RNF144B: variants seen among roughly 807,000 people sequenced by gnomAD.
RNF144B encodes E3 ubiquitin-protein ligase RNF144B.
RNF144B carries 25 observed loss-of-function variants against 40.2 expected under a neutral mutation model. The ratio of observed to expected loss-of-function variants is 0.62; its 90% CI spans 0.45 to 0.87. RNF144B has a LOEUF of 0.87. RNF144B is among the 40% of genes least tolerant of loss of function. RNF144B has a pLI of 0.00. For synonymous variants in RNF144B, 145 were observed against 136.3 expected (o/e 1.06, Z -0.44); for missense variants, 365 against 373.7 (o/e 0.98, Z 0.19).
rs1366797823 is a variant in RNF144B, at chr6:18,443,053, G to C, written c.331+3309G>C. 6.6e-6 allele frequency among the ~76,000 whole-genome samples: 1 copy of C among 152,082 alleles called. No homozygotes were observed. The highest frequency in any genetic ancestry group is 1.5e-5 in the Non-Finnish European group (1 of 68,036). The stretch of plus-strand genomic sequence containing the variant: ...TTTTGGGTAAAGTAACTAGAATTGG[G>C]ATTACGGGATCATGTGGTAATTTTA... On this transcript the variant is annotated intron_variant, in intron 4 of 7. Transcript: ENST00000259939. This position sits in a 1 kb window ranked among gnomAD's most constrained non-coding sequence, Gnocchi z 4.7.
intron 1 of RNF144B, 26 bp downstream of exon 1, chr6:18,387,656 C>G (rs1347857490): frequency 1.5e-6 from 2 of 1,290,340 alleles, no homozygotes; most frequent in Non-Finnish European, 2.0e-6. Flanking sequence ...TTTTTAAAGG[C>G]TACAGGCGTT....
Position 18,447,558 on chromosome 6 carries a change from G to A in RNF144B, c.331+7814G>A, listed in dbSNP as rs1759111159. On this transcript the variant is annotated intron_variant, in intron 4 of 7. Transcript: ENST00000259939. The surrounding 1 kb of genome is among the most constrained non-coding windows in gnomAD (Gnocchi z 5.6). ...GAGTGGATGGTAATGGAATGACATG[G>A]CAGCAGGGAGATTTATTAGGAGGCT... is the stretch of plus-strand genomic sequence containing the variant. Among the ~76,000 whole-genome samples, 1 of 152,168 alleles carries A rather than the reference G, an allele frequency of 6.6e-6. No individual in the cohort carries two copies. Among genetic ancestry groups the A allele is most frequent in the South Asian group, 2.1e-4 (1 of 4,830 alleles).
rs1794760987 is a variant in RNF144B, at chr6:18,399,611, C to T, written c.77C>T (p.Pro26Leu). 6.2e-7 allele frequency: 1 copy of T among 1,614,158 alleles called. No individual in the cohort carries two copies. The highest frequency in any genetic ancestry group is 8.5e-7 in the Non-Finnish European group (1 of 1,180,018). The change falls in exon 2 of 8, where the codon CCC becomes CTC. Residue 26 changes from proline (P) to leucine (L), a missense_variant. Physicochemically the swap from Pro to Leu is moderately conservative, Grantham distance 98. Coordinates refer to ENST00000259939, the MANE Select transcript of RNF144B (RefSeq NM_182757.4). The stretch of plus-strand genomic sequence containing the variant: ...ACTCCTGGAGACCTGGCTCCGGCCC[C>T]CCTCATCACTTGCAAACTCTGCCTG... ...NPTPGDLAPA[P>L]LITCKLCLCE... is the part of the protein sequence containing the mutation.
rs1021541759 is a variant in RNF144B at position 18,425,867 on chromosome 6, T to A, written c.166-1714T>A. Among the ~76,000 whole-genome samples the A allele has an allele frequency of 4.6e-5, 7 of 152,202 alleles. No homozygotes were observed. On this transcript the variant is annotated intron_variant, in intron 2 of 7. Transcript: ENST00000259939. This position sits in a 1 kb window ranked among gnomAD's most constrained non-coding sequence, Gnocchi z 4.2. ...ATTTAGGTTATTTTCTAGTTTTTGC[T>A]GTGATGAATATTATAGAAAAAATTA...
chr6:18,412,577 G>A lies in RNF144B; in HGVS notation c.165+12878G>A, dbSNP rs1795069602. On this transcript the variant is annotated intron_variant, in intron 2 of 7. Transcript: ENST00000259939. This position sits in a 1 kb window ranked among gnomAD's most constrained non-coding sequence, Gnocchi z 4.2. Reference sequence around the variant, plus strand: ...TATCACACAAAAAAATTCATGTCCAGTGACAAAATGTTACTAAGTAGGTAA... The same window carrying A: ...TATCACACAAAAAAATTCATGTCCAATGACAAAATGTTACTAAGTAGGTAA... Among the ~76,000 whole-genome samples the A allele has an allele frequency of 6.6e-6, 1 of 152,104 alleles. No homozygotes were observed. Among genetic ancestry groups the A allele is most frequent in the South Asian group, 2.1e-4 (1 of 4,826 alleles).
chr6:18,439,566 T>G (rs1427272825), intron 3 of RNF144B, 118 bp from the exon 4 acceptor site: 1 of 703,352 alleles, frequency 1.4e-6, no homozygotes, highest in Non-Finnish European at 2.5e-6. Flanking sequence ...AAAAGAGGTT[T>G]GCAAACAATT....
intron 3 of RNF144B, among the ~76,000 whole-genome samples, chr6:18,439,240 GAC>G (rs1308727017): frequency 1.3e-5 from 2 of 152,146 alleles, no homozygotes; most frequent in Non-Finnish European, 2.9e-5. Context: ...GGTGACAAAT[GAC>G]ATTTGCATAA....
At chr6:18,426,390 G>A (rs12526910) in intron 2 of RNF144B, among the ~76,000 whole-genome samples, 18,263 of 152,198 alleles carry the variant, frequency 0.12, 1,317 homozygotes, top group Admixed American at 0.19. Flanking sequence ...AGTAGAAGTT[G>A]AAGAACCAAT....
chr6:18,438,446 A>G (rs1758873138), intron 3 of RNF144B, among the ~76,000 whole-genome samples: 1 of 152,160 alleles, frequency 6.6e-6, no homozygotes, highest in African/African-American at 2.4e-5. Flanking sequence ...GGAGAAAGAA[A>G]ATTTGGATAA....
rs967855709 is a variant in RNF144B, at chr6:18,456,217, C to T, written c.332-938C>T. Among the ~76,000 whole-genome samples, 3 of 152,166 alleles carry T rather than the reference C, an allele frequency of 2.0e-5. No homozygotes were observed. The highest frequency in any genetic ancestry group is 4.4e-5 in the Non-Finnish European group (3 of 68,032). ...GATTACAGGCGTGAGCCACAGTGCC[C>T]GGCCCACATGTGGGTCTTTCACACA... On this transcript the variant is annotated intron_variant, in intron 4 of 7. Transcript: ENST00000259939. This position sits in a 1 kb window ranked among gnomAD's most constrained non-coding sequence, Gnocchi z 4.7.
chr6:18,403,217 G>A (rs909458246), intron 2 of RNF144B, among the ~76,000 whole-genome samples: 3 of 152,170 alleles, frequency 2.0e-5, no homozygotes, highest in Admixed American at 6.5e-5. Context: ...TAATTCAAGC[G>A]AAATAAATTC....
rs6925570 is a variant in RNF144B, at chr6:18,406,156, G to C, written c.165+6457G>C. 2 of 518,590 alleles carry C rather than the reference G, an allele frequency of 3.9e-6. No homozygotes were observed. Among genetic ancestry groups the C allele is most frequent in the South Asian group, 1.4e-5 (1 of 71,562 alleles). The allele number at this position is 518,590 out of a possible 1,614,324, so 32.1% of individuals were successfully genotyped here. On this transcript the variant is annotated intron_variant, in intron 2 of 7. Coordinates refer to ENST00000259939, the MANE Select transcript of RNF144B (RefSeq NM_182757.4). The surrounding 1 kb of genome is among the most constrained non-coding windows in gnomAD (Gnocchi z 4.2). ...TGGTTTTCAAATAACTCAACTTTTC[G>C]TATGAGACATAGATGCTAACAAGTA... is the stretch of plus-strand genomic sequence containing the variant.
intron 3 of RNF144B, among the ~76,000 whole-genome samples, chr6:18,430,872 C>T (rs1758678397): frequency 6.6e-6 from 1 of 152,122 alleles, no homozygotes; most frequent in South Asian, 2.1e-4. Context: ...CCTTCTGGTT[C>T]TCTTTATCCA....
rs1759020951 is a variant in RNF144B at position 18,443,964 on chromosome 6, C to T, written c.331+4220C>T. ...CAGAATTGTAGAGATTGCTGCTGCTCTGGAAAAACGTAGAATCAGAGTAGA... is the reference window on the plus strand; with the variant it reads ...CAGAATTGTAGAGATTGCTGCTGCTTTGGAAAAACGTAGAATCAGAGTAGA... On this transcript the variant is annotated intron_variant, in intron 4 of 7. Coordinates refer to ENST00000259939, the MANE Select transcript of RNF144B (RefSeq NM_182757.4). The surrounding 1 kb of genome is among the most constrained non-coding windows in gnomAD (Gnocchi z 4.7). Among the ~76,000 whole-genome samples, 1 of 152,244 alleles carries T rather than the reference C, an allele frequency of 6.6e-6. No homozygotes were observed. The highest frequency in any genetic ancestry group is 2.1e-4 in the South Asian group (1 of 4,826).
intron 4 of RNF144B, 60 bp downstream of exon 4, chr6:18,439,804 C>T (rs1582433391): frequency 8.8e-7 from 1 of 1,140,884 alleles, no homozygotes; most frequent in South Asian, 1.2e-5. Flanking sequence ...CATTTTTACA[C>T]TAACCCACAT....
At chr6:18,413,440 C>T (rs1171569484) in intron 2 of RNF144B, among the ~76,000 whole-genome samples, 1 of 152,122 alleles carries the variant, frequency 6.6e-6, no homozygotes, top group Non-Finnish European at 1.5e-5. Flanking sequence ...ATAGTGGTGG[C>T]CATGGCCTCA....
In RNF144B at chr6:18,399,571, A is replaced by T. The variant is rs779025859; in HGVS notation, c.37A>T (p.Thr13Ser). ...TGGTAGGCTCCACTATCTCGCCATG[A>T]CTGCTGAAAATCCCACTCCTGGAGA... Reference protein sequence around the residue: ...SAGRLHYLAMTAENPTPGDLA... With the variant: ...SAGRLHYLAMSAENPTPGDLA... The change falls in exon 2 of 8, where the codon ACT becomes TCT. Residue 13 changes from threonine to serine, a missense_variant. Thr to Ser is a moderately conservative substitution (Grantham distance 58, BLOSUM62 1). Coordinates refer to ENST00000259939, the MANE Select transcript of RNF144B (RefSeq NM_182757.4). 6.2e-7 allele frequency: 1 copy of T among 1,614,082 alleles called. No homozygotes were observed.
At chr6:18,417,010 A>G (rs1795158891) in intron 2 of RNF144B, among the ~76,000 whole-genome samples, 1 of 152,228 alleles carries the variant, frequency 6.6e-6, no homozygotes, top group African/African-American at 2.4e-5. Context: ...AATTCCATTT[A>G]CAATATCATT....
Position 18,400,955 on chromosome 6 carries a change from A to G in RNF144B, c.165+1256A>G, listed in dbSNP as rs1243541713. On this transcript the variant is annotated intron_variant, in intron 2 of 7. Transcript: ENST00000259939. The surrounding 1 kb of genome is among the most constrained non-coding windows in gnomAD (Gnocchi z 5.6). ...TAGGAAGTGAGGAAATGGCCTTGTCATCTCAGAGCAACTTCAGTTTCCTTT... is the reference window on the plus strand; with the variant it reads ...TAGGAAGTGAGGAAATGGCCTTGTCGTCTCAGAGCAACTTCAGTTTCCTTT... Among the ~76,000 whole-genome samples the G allele has an allele frequency of 1.3e-5, 2 of 152,146 alleles. No individual in the cohort carries two copies. The highest frequency in any genetic ancestry group is 2.9e-5 in the Non-Finnish European group (2 of 68,032).
Sources: gnomAD v4.1 joint callset for allele counts (sites outside exome capture counted in the v4.1 genomes callset) on GRCh38, gnomAD v4.1.1 for gene constraint, Gnocchi (gnomAD v3.1) non-coding constraint, MANE v1.5 for transcripts, NCBI Gene and HGNC (gene_info 2026-07-23, HGNC 2026-07-21) for gene names.